LDLRAD4: variants seen among roughly 807,000 people sequenced by gnomAD.
LDLRAD4 encodes low density lipoprotein receptor class A domain containing 4.
In LDLRAD4, 5 loss-of-function variants were observed where a neutral mutation model predicts 17.0. The ratio of observed to expected loss-of-function variants is 0.29; its 90% CI spans 0.15 to 0.62. The LOEUF (loss-of-function observed/expected upper bound fraction) is 0.62, where lower values mean the gene tolerates loss of function less well. Ranked by LOEUF, LDLRAD4 falls within the 20% of genes least tolerant of loss-of-function variation. LDLRAD4 has a pLI of 0.84. For synonymous variants in LDLRAD4, 168 were observed against 171.8 expected, an observed-to-expected ratio of 0.98 and a Z score of 0.17; for missense variants, 340 against 424.7, an observed-to-expected ratio of 0.80 and a Z score of 1.75.
intron 1 of LDLRAD4, among the ~76,000 whole-genome samples, chr18:13,340,612 T>C (rs1568025423): frequency 6.6e-6 from 1 of 152,190 alleles, no homozygotes; most frequent in Non-Finnish European, 1.5e-5. Flanking sequence ...AGTAGTTCTT[T>C]ATAAATTCTG....
intron 1 of LDLRAD4, among the ~76,000 whole-genome samples, chr18:13,269,834 C>G (rs1480445451): frequency 5.3e-5 from 8 of 152,186 alleles, no homozygotes; most frequent in Non-Finnish European, 8.8e-5. Context: ...CCTGGTATCC[C>G]CTTGGATGTT....
intron 1 of LDLRAD4, among the ~76,000 whole-genome samples, chr18:13,375,689 G>A (rs1050115343): frequency 6.6e-6 from 1 of 152,208 alleles, no homozygotes; most frequent in Non-Finnish European, 1.5e-5. Context: ...CAGTTATGGA[G>A]TGGAGTTTAC....
intron 3 of LDLRAD4, among the ~76,000 whole-genome samples, chr18:13,497,078 C>T (rs1228553924): frequency 6.6e-6 from 1 of 152,234 alleles, no homozygotes; most frequent in Non-Finnish European, 1.5e-5. Flanking sequence ...TTCCATCCAG[C>T]CTGCTGCCTG....
At chr18:13,581,199 G>A (rs1283373743) in intron 3 of LDLRAD4, among the ~76,000 whole-genome samples, 1 of 152,230 alleles carries the variant, frequency 6.6e-6, no homozygotes, top group African/African-American at 2.4e-5. Context: ...GCATTTTGAT[G>A]TGACTGGCTC....
intron 3 of LDLRAD4, among the ~76,000 whole-genome samples, chr18:13,587,122 C>T (rs2094946388): frequency 6.6e-6 from 1 of 152,140 alleles, no homozygotes; most frequent in South Asian, 2.1e-4. Context: ...CTCTAACATA[C>T]ATCAGAATCT....
chr18:13,524,478 T>C (rs1385032738), intron 3 of LDLRAD4, among the ~76,000 whole-genome samples: 1 of 152,212 alleles, frequency 6.6e-6, no homozygotes, highest in East Asian at 1.9e-4. Flanking sequence ...TAGTCTGTTA[T>C]CTGGGAACAG....
intron 1 of LDLRAD4, among the ~76,000 whole-genome samples, chr18:13,374,196 G>A (rs2084724167): frequency 6.6e-6 from 1 of 152,238 alleles, no homozygotes; most frequent in South Asian, 2.1e-4. Flanking sequence ...AGGTAGCAGA[G>A]GATGCTGCAG....
chr18:13,411,810 A>G (rs531734653), intron 2 of LDLRAD4, among the ~76,000 whole-genome samples: 39 of 152,254 alleles, frequency 2.6e-4, no homozygotes, highest in African/African-American at 7.2e-4. Flanking sequence ...TGAAATTGCC[A>G]TCATGAGACC....
At chr18:13,260,796 G>A (rs1300617914) in intron 1 of LDLRAD4, among the ~76,000 whole-genome samples, 1 of 152,234 alleles carries the variant, frequency 6.6e-6, no homozygotes, top group East Asian at 1.9e-4. Context: ...CTACCATGGT[G>A]TGGCAGCTCT....
At chr18:13,554,759 C>T (rs75890328) in intron 3 of LDLRAD4, among the ~76,000 whole-genome samples, 4,563 of 152,248 alleles carry the variant, frequency 0.03, 100 homozygotes, top group Middle Eastern at 0.065. Context: ...CTCACGTTTT[C>T]AAATGGTAAT....
At chr18:13,466,233 G>T (rs1667581557) in intron 3 of LDLRAD4, among the ~76,000 whole-genome samples, 1 of 152,182 alleles carries the variant, frequency 6.6e-6, no homozygotes, top group African/African-American at 2.4e-5. Flanking sequence ...CACTTTGGGA[G>T]GCTGAGGTGG....
At chr18:13,523,794 C>T (rs1382206996) in intron 3 of LDLRAD4, among the ~76,000 whole-genome samples, 1 of 152,212 alleles carries the variant, frequency 6.6e-6, no homozygotes, top group Non-Finnish European at 1.5e-5. Context: ...CCAGTGGGCT[C>T]TCCCTGGTGA....
intron 3 of LDLRAD4, among the ~76,000 whole-genome samples, chr18:13,620,400 G>A (rs185603597): frequency 6.6e-6 from 1 of 152,342 alleles, no homozygotes; most frequent in Non-Finnish European, 1.5e-5. Context: ...GGGGGACAAG[G>A]AGTGAAGCAG....
chr18:13,223,602 C>T (rs1279432396), intron 1 of LDLRAD4, among the ~76,000 whole-genome samples: 2 of 152,150 alleles, frequency 1.3e-5, no homozygotes, highest in Non-Finnish European at 2.9e-5. Context: ...TCTCTGCTTC[C>T]GAAGGCAGCC....
chr18:13,268,398 A>G (rs1051529561), intron 1 of LDLRAD4, among the ~76,000 whole-genome samples: 4 of 152,190 alleles, frequency 2.6e-5, no homozygotes, highest in Non-Finnish European at 5.9e-5. Flanking sequence ...TGAGCATGCT[A>G]CTGAAGGCAG....
At chr18:13,326,298 A>G (rs923405943) in intron 1 of LDLRAD4, among the ~76,000 whole-genome samples, 4 of 152,298 alleles carry the variant, frequency 2.6e-5, no homozygotes, top group Non-Finnish European at 4.4e-5. Flanking sequence ...CTGTAAGGCG[A>G]ATGATTACAT....
chr18:13,384,791 C>A (rs562831465), intron 1 of LDLRAD4, among the ~76,000 whole-genome samples: 1 of 152,188 alleles, frequency 6.6e-6, no homozygotes, highest in Non-Finnish European at 1.5e-5. Context: ...CCCGTTTCAT[C>A]CATGTTGTTG....
At chr18:13,266,785 C>G (rs575453342) in intron 1 of LDLRAD4, among the ~76,000 whole-genome samples, 21 of 152,362 alleles carry the variant, frequency 1.4e-4, no homozygotes, top group African/African-American at 4.8e-4. Context: ...CTTGGAGCTG[C>G]CTTCCGAGTG....
chr18:13,349,111 G>A (rs772709958), intron 1 of LDLRAD4, among the ~76,000 whole-genome samples: 2 of 152,358 alleles, frequency 1.3e-5, no homozygotes, highest in Non-Finnish European at 2.9e-5. Context: ...TCCCCAGTGA[G>A]ATGAACCCGG....
Sources: allele counts gnomAD v4.1 joint callset (sites outside exome capture counted in the v4.1 genomes callset), GRCh38; gene constraint gnomAD v4.1.1; transcripts MANE v1.5; gene names NCBI Gene and HGNC (gene_info 2026-07-23, HGNC 2026-07-21).